CP: variants seen among roughly 807,000 people sequenced by gnomAD.
CP encodes the protein caeruloplasmin.
CP carries 64 observed loss-of-function variants against 122.4 expected under a neutral mutation model. That is an observed-to-expected ratio of 0.52 (90% CI 0.43 to 0.64). CP has a LOEUF of 0.64. Among genes scored for constraint, CP ranks in the 30% least tolerant of loss-of-function variants. The pLI, the probability that CP is intolerant of heterozygous loss-of-function variation, is 0.00. For synonymous variants in CP, 440 were observed against 436.4 expected (o/e 1.01, Z -0.10); for missense variants, 1,167 against 1,284.4 (o/e 0.91, Z 1.40).
At chr3:149,181,768 G>A (rs1356902789) in intron 14 of CP, among the ~76,000 whole-genome samples, 7 of 152,244 alleles carry the variant, frequency 4.6e-5, no homozygotes, top group Admixed American at 4.6e-4. Context: ...TCACGCTTGA[G>A]GATTCATAGA....
At chr3:149,172,043 TTGAA>T, downstream of CP, 1 of 1,586,660 alleles carries the variant, frequency 6.3e-7, no homozygotes, top group Admixed American at 1.7e-5. Flanking sequence ...TAAGAAGAGA[TTGAA>T]TGAAAGACAG....
chr3:149,174,550 G>C lies in CP; in HGVS notation c.3182-820C>G, dbSNP rs36074830. ...GGGAATCTGAAATTATGTCAAAAAAGTTTCAAAAGTTTCTCTTCATTGAAT... is the reference window on the plus strand; with the variant it reads ...GGGAATCTGAAATTATGTCAAAAAACTTTCAAAAGTTTCTCTTCATTGAAT... On this transcript the variant is annotated intron_variant, in intron 18 of 18. Coordinates refer to ENST00000264613, the MANE Select transcript of CP (RefSeq NM_000096.4). 2.3e-3 allele frequency among the ~76,000 whole-genome samples: 345 copies of C among 152,222 alleles called. 3 individuals carry two copies. The highest frequency in any genetic ancestry group is 3.9e-3 in the Non-Finnish European group (267 of 67,992).
chr3:149,174,478 G>T (rs796205853), intron 18 of CP, among the ~76,000 whole-genome samples: 1 of 152,104 alleles, frequency 6.6e-6, no homozygotes, highest in African/African-American at 2.4e-5. Flanking sequence ...AAGCCAATGT[G>T]GCTACGCACA....
rs559997456 is a variant in CP at position 149,174,392 on chromosome 3, G to T, written c.3182-662C>A. 8.5e-5 allele frequency among the ~76,000 whole-genome samples: 13 copies of T among 152,242 alleles called. No homozygotes were observed. The South Asian group carries it at 2.7e-3, about 32-fold the overall frequency. On this transcript the variant is annotated intron_variant, in intron 18 of 18. Coordinates refer to ENST00000264613, the MANE Select transcript of CP (RefSeq NM_000096.4). ...ATTCTTGTTTTTAGGAAAGATAGTT[G>T]TATGTGTATCTATACACGTCTGTGT...
intron 9 of CP, among the ~76,000 whole-genome samples, chr3:149,198,046 G>T (rs34142100): frequency 0.02 from 3,046 of 152,272 alleles, 116 homozygotes; most frequent in African/African-American, 0.071. Flanking sequence ...CAGAAAAATT[G>T]CAAGTAAACA....
rs1359878102 is a variant in CP, at chr3:149,177,708, A to T, written c.3018+132T>A. ...TCCATGATTGAATCCTGGGTGGGGA[A>T]TCCACGGATATGAAGCACCGGCTGT... is the stretch of plus-strand genomic sequence containing the variant. On this transcript the variant is annotated intron_variant, in intron 17 of 18. Transcript: ENST00000264613. 6.4e-6 allele frequency: 6 copies of T among 934,492 alleles called. No homozygotes were observed. The East Asian group carries it at 7.4e-5, about 12-fold the overall frequency. 57.9% of individuals were successfully genotyped at this position (934,492 alleles called of 1,614,324 possible).
At chr3:149,170,543 G>A (rs1724877135), downstream of CP, 1 of 152,186 alleles carries the variant, frequency 6.6e-6, no homozygotes, top group Admixed American at 6.5e-5. Context: ...CTAGGACTTG[G>A]AAGATTAAGT....
At chr3:149,178,377 A>C (rs1047805822) in intron 16 of CP, 38 bp downstream of exon 16, 8 of 1,432,652 alleles carry the variant, frequency 5.6e-6, no homozygotes, top group African/African-American at 2.8e-5. Context: ...GAAAATGATA[A>C]AAAAGTAGAA....
intron 1 of CP, among the ~76,000 whole-genome samples, chr3:149,216,725 C>T (rs1350023205): frequency 1.3e-5 from 2 of 152,098 alleles, no homozygotes; most frequent in South Asian, 2.1e-4. Context: ...CCTCCACTGG[C>T]GCAGCATGAA....
rs1725525731 is a variant in CP, at chr3:149,177,952, A to G, written c.2906T>C (p.Leu969Pro). 5 of 1,613,734 alleles carry G rather than the reference A, an allele frequency of 3.1e-6. No individual in the cohort carries two copies. In the East Asian group the frequency reaches 1.1e-4, roughly 36 times the overall value. The change falls in exon 17 of 19, where the codon CTA (leucine) becomes CCA (proline). Residue 969 changes from leucine (L) to proline (P), a missense_variant. Leu to Pro is a moderately conservative substitution (Grantham distance 98). This residue lies in a region of CP where 525 missense variants were observed against 657.2 expected (regional missense o/e 0.80). Transcript: ENST00000264613. The part of the protein sequence containing the change: ...HAINGRMFGN[L>P]QGLTMHVGDE... ...TCCCACGTGCATTGTGAGGCCTTGTAGGTTTCCAAACATTCTTCCATTAAT... is the reference window on the plus strand; with the variant it reads ...TCCCACGTGCATTGTGAGGCCTTGTGGGTTTCCAAACATTCTTCCATTAAT...
intron 13 of CP, 140 bp downstream of exon 13, chr3:149,183,326 A>G (rs1204041070): frequency 6.7e-6 from 5 of 745,038 alleles, no homozygotes; most frequent in Non-Finnish European, 8.8e-6. Flanking sequence ...ATTTCATTAG[A>G]TAACTAATTT....
chr3:149,171,871 A>AT (rs1038245318), downstream of CP, among the ~76,000 whole-genome samples: 14 of 151,590 alleles, frequency 9.2e-5, no homozygotes, highest in African/African-American at 3.4e-4. Flanking sequence ...TGCCCGGCTA[A>AT]TTTTTTTGTA....
In CP at chr3:149,182,718, A is replaced by AT. The variant is rs764637033; in HGVS notation, c.2426-586dup. Among the ~76,000 whole-genome samples, 55 of 151,954 alleles carry AT rather than the reference A, an allele frequency of 3.6e-4. 1 individual carries two copies. Among genetic ancestry groups the AT allele is most frequent in the Non-Finnish European group, 5.0e-4 (34 of 67,958 alleles). On this transcript the variant is annotated intron_variant, in intron 13 of 18. Coordinates refer to ENST00000264613, the MANE Select transcript of CP (RefSeq NM_000096.4). Reference sequence around the variant, plus strand: ...TTGCCCCTGCTTTGTGCGTGGTATCATTTTTTCTTTTATTTCCTGTTGTAA... The same window carrying AT: ...TTGCCCCTGCTTTGTGCGTGGTATCATTTTTTTCTTTTATTTCCTGTTGTAA...
chr3:149,186,841 T>G, intron 10 of CP, 109 bp from the exon 11 acceptor site: 1 of 983,888 alleles, frequency 1.0e-6, no homozygotes, highest in Non-Finnish European at 1.6e-6. Flanking sequence ...AAAAGACCTA[T>G]TCAGGCTTGC....
At chr3:149,168,176 C>T (rs1724621620), downstream of CP, 1 of 571,950 alleles carries the variant, frequency 1.7e-6, no homozygotes, top group South Asian at 2.1e-5. Context: ...AGTCACAGAA[C>T]TGATGTTCTT....
downstream of CP, chr3:149,170,364 G>C (rs986296121): frequency 6.6e-6 from 1 of 152,156 alleles, no homozygotes; most frequent in Admixed American, 6.5e-5. Context: ...TGCTTTGATA[G>C]GAAAACATCA....
chr3:149,210,437 AATAG>A, intron 2 of CP, 58 bp from the exon 3 acceptor site: 1 of 1,376,132 alleles, frequency 7.3e-7, no homozygotes, highest in Non-Finnish European at 1.0e-6. Context: ...TAAATGAGAG[AATAG>A]ATAGTCCATT....
intron 1 of CP, among the ~76,000 whole-genome samples, chr3:149,217,299 AT>A (rs1180089769): frequency 6.6e-6 from 1 of 152,170 alleles, no homozygotes; most frequent in African/African-American, 2.4e-5. Flanking sequence ...TTTAAGAATC[AT>A]TTAAAAATTT....
chr3:149,173,740 AAG>A lies in CP; in HGVS notation c.3182-12_3182-11del. On this transcript the variant is annotated splice_polypyrimidine_tract_variant and intron_variant, in intron 18 of 18. Transcript: ENST00000264613. ...CAGCCAGATTTGGTGTCTATAGAAA[AAG>A]AAATTTTAAGACCATTATTAAAAAT... The A allele has an allele frequency of 7.6e-7, 1 of 1,322,978 alleles. No individual in the cohort carries two copies. 82.0% of individuals were successfully genotyped at this position (1,322,978 alleles called of 1,614,324 possible).
Sources: gnomAD v4.1 joint callset for allele counts (sites outside exome capture counted in the v4.1 genomes callset) on GRCh38, gnomAD v4.1.1 for gene constraint, gnomAD v4.1.1 regional missense constraint, MANE v1.5 for transcripts, NCBI Gene and HGNC (gene_info 2026-07-23, HGNC 2026-07-21) for gene names.